TSHR: variants seen among roughly 807,000 people sequenced by gnomAD.
TSHR encodes the protein thyrotropin receptor.
TSHR carries 51 observed loss-of-function variants against 64.1 expected under a neutral mutation model. The ratio of observed to expected loss-of-function variants is 0.80; its 90% CI spans 0.64 to 1.01. The LOEUF (loss-of-function observed/expected upper bound fraction) is 1.01. Among genes scored for constraint, TSHR ranks in the 50% least tolerant of loss-of-function variants. The probability of loss-of-function intolerance (pLI) is 0.00; values close to 1 mark genes in which losing one functional copy is unlikely to be tolerated. For missense variants in TSHR, 877 were observed against 942.8 expected (o/e 0.93, Z 0.91); for synonymous variants, 361 against 361.9 (o/e 1.00, Z 0.03).
At chr14:81,049,249 G>T (rs1179814946) in intron 1 of TSHR, among the ~76,000 whole-genome samples, 1 of 152,166 alleles carries the variant, frequency 6.6e-6, no homozygotes, top group African/African-American at 2.4e-5. Flanking sequence ...CCAGCACTCT[G>T]AATAATGCCT....
At chr14:81,034,387 G>A (rs1884516127) in intron 1 of TSHR, among the ~76,000 whole-genome samples, 1 of 152,202 alleles carries the variant, frequency 6.6e-6, no homozygotes, top group Non-Finnish European at 1.5e-5. Context: ...ATCTACCTGA[G>A]AGGCTGGAGC....
At chr14:80,973,322 G>A (rs1172699767) in intron 1 of TSHR, among the ~76,000 whole-genome samples, 2 of 148,286 alleles carry the variant, frequency 1.3e-5, no homozygotes, top group African/African-American at 2.5e-5. Flanking sequence ...GGAGAATGGC[G>A]TGAACCCCGG....
chr14:81,070,134 G>A (rs1002310344), intron 3 of TSHR, among the ~76,000 whole-genome samples: 1 of 152,002 alleles, frequency 6.6e-6, no homozygotes, highest in Non-Finnish European at 1.5e-5. Context: ...AAAAAATCTA[G>A]CATACCTATG....
At chr14:81,118,319 T>C (rs1418924938) in intron 8 of TSHR, among the ~76,000 whole-genome samples, 3 of 84,884 alleles carry the variant, frequency 3.5e-5, no homozygotes, top group African/African-American at 5.4e-5. Flanking sequence ...ATAAGCAACT[T>C]CAGCAAAGTC....
chr14:81,007,694 G>A (rs969644136), intron 1 of TSHR, among the ~76,000 whole-genome samples: 1 of 152,130 alleles, frequency 6.6e-6, no homozygotes, highest in East Asian at 1.9e-4. Context: ...CTTACAGAAT[G>A]GGAAGTTTAG....
intron 1 of TSHR, among the ~76,000 whole-genome samples, chr14:80,964,400 T>C (rs1458771326): frequency 1.3e-5 from 2 of 152,320 alleles, no homozygotes; most frequent in East Asian, 3.9e-4. Flanking sequence ...ACATAAAACA[T>C]ATTGTTAAAT....
intron 1 of TSHR, among the ~76,000 whole-genome samples, chr14:80,956,591 A>G (rs904824404): frequency 6.6e-6 from 1 of 152,240 alleles, no homozygotes; most frequent in African/African-American, 2.4e-5. Flanking sequence ...TGTAGACAAA[A>G]CCAAGGGAAT....
At chr14:81,108,515 A>G (rs1401052410) in intron 8 of TSHR, 63 bp downstream of exon 8, 1 of 860,332 alleles carries the variant, frequency 1.2e-6, no homozygotes. Flanking sequence ...TTTGGAATAA[A>G]TGGAGACATT....
At chr14:81,028,298 A>C (rs1389579423) in intron 1 of TSHR, among the ~76,000 whole-genome samples, 4 of 152,180 alleles carry the variant, frequency 2.6e-5, no homozygotes, top group East Asian at 3.8e-4. Flanking sequence ...AAAATTAGCA[A>C]AGCAGGATTC....
chr14:80,999,791 A>T (rs1030304382), intron 1 of TSHR, among the ~76,000 whole-genome samples: 3 of 152,144 alleles, frequency 2.0e-5, no homozygotes, highest in African/African-American at 7.2e-5. Flanking sequence ...TAGACCAGTA[A>T]TTTTAGTAAC....
chr14:81,038,000 C>T (rs1211842202), intron 1 of TSHR, among the ~76,000 whole-genome samples: 4 of 151,010 alleles, frequency 2.6e-5, no homozygotes, highest in South Asian at 2.1e-4. Flanking sequence ...ATTTGCAGAA[C>T]ATTTCACCCA....
At chr14:81,033,833 G>A (rs574230830) in intron 1 of TSHR, among the ~76,000 whole-genome samples, 2 of 152,314 alleles carry the variant, frequency 1.3e-5, no homozygotes, top group South Asian at 4.1e-4. Context: ...TTTTATGCAT[G>A]CCTGCTGTGG....
chr14:80,986,313 G>GAGAGATAGAGAGAGAT (rs1185410834), intron 1 of TSHR, among the ~76,000 whole-genome samples: 1 of 152,090 alleles, frequency 6.6e-6, no homozygotes, highest in Admixed American at 6.5e-5. Context: ...TACAGATAGA[G>GAGAGATAGAGAGAGAT]AGAGATAGAT....
At chr14:81,017,754 T>C (rs992036159) in intron 1 of TSHR, among the ~76,000 whole-genome samples, 2 of 151,646 alleles carry the variant, frequency 1.3e-5, no homozygotes, top group Non-Finnish European at 2.9e-5. Flanking sequence ...TAGCCATGAC[T>C]CAGGCCTCCA....
intron 1 of TSHR, among the ~76,000 whole-genome samples, chr14:80,987,087 A>G (rs1341877339): frequency 6.6e-6 from 1 of 152,194 alleles, no homozygotes; most frequent in Non-Finnish European, 1.5e-5. Flanking sequence ...TATGTAAATT[A>G]TCTCAAGCCT....
chr14:80,964,871 T>A (rs563770507), intron 1 of TSHR, among the ~76,000 whole-genome samples: 1 of 152,358 alleles, frequency 6.6e-6, no homozygotes, highest in African/African-American at 2.4e-5. Context: ...TACTTGAGAC[T>A]GTCATTTCAA....
chr14:81,124,393 A>C lies in TSHR; in HGVS notation c.693-15286A>C, dbSNP rs57661023. 3.9e-5 allele frequency among the ~76,000 whole-genome samples: 6 copies of C among 152,200 alleles called. No homozygotes were observed. The East Asian group carries it at 1.2e-3, about 29-fold the overall frequency. The stretch of plus-strand genomic sequence containing the variant: ...ATATAATTTGCATACAATAACGTAC[A>C]CAATTTTTTAAGTGTACAGGTTGAT... On this transcript the variant is annotated intron_variant, in intron 8 of 9. Coordinates refer to ENST00000298171, the MANE Select transcript of TSHR (RefSeq NM_000369.5).
intron 1 of TSHR, among the ~76,000 whole-genome samples, chr14:81,059,153 C>T (rs992617159): frequency 2.0e-5 from 3 of 152,122 alleles, no homozygotes; most frequent in Admixed American, 2.0e-4. Flanking sequence ...AAAAATGGAG[C>T]AGATGCTCTC....
chr14:80,979,725 G>A (rs1007247477), intron 1 of TSHR, among the ~76,000 whole-genome samples: 2 of 152,184 alleles, frequency 1.3e-5, no homozygotes, highest in African/African-American at 4.8e-5. Flanking sequence ...GATTATTCTT[G>A]ATACTTTCTT....
Sources: allele counts gnomAD v4.1 joint callset (sites outside exome capture counted in the v4.1 genomes callset), GRCh38; gene constraint gnomAD v4.1.1; transcripts MANE v1.5; gene names NCBI Gene and HGNC (gene_info 2026-07-23, HGNC 2026-07-21).